CDK14: variants seen among roughly 807,000 people sequenced by gnomAD.
The protein encoded by CDK14 is cyclin dependent kinase 14, also known as cyclin-dependent kinase 14.
Under a neutral mutation model 60.7 loss-of-function variants are expected in CDK14, and 34 were observed. That is an observed-to-expected ratio of 0.56 (90% CI 0.43 to 0.75). CDK14 has a LOEUF of 0.75. CDK14 is among the 30% of genes least tolerant of loss of function. The pLI, the probability that CDK14 is intolerant of heterozygous loss-of-function variation, is 0.00. For missense variants in CDK14, 482 were observed against 564.1 expected, an observed-to-expected ratio of 0.85 and a Z score of 1.47; for synonymous variants, 197 against 203.7, an observed-to-expected ratio of 0.97 and a Z score of 0.28.
At chr7:90,853,827 G>A (rs188839481) in intron 5 of CDK14, among the ~76,000 whole-genome samples, 1 of 152,274 alleles carries the variant, frequency 6.6e-6, no homozygotes, top group Admixed American at 6.5e-5. Context: ...AATCTGCATT[G>A]GTATCAGGCA....
intron 14 of CDK14, among the ~76,000 whole-genome samples, chr7:91,121,002 G>A (rs1799767724): frequency 6.6e-6 from 1 of 152,192 alleles, no homozygotes; most frequent in Admixed American, 6.5e-5. Context: ...TTATTTTAAT[G>A]TCTCACCTTT....
rs770669675 is a variant in CDK14, at chr7:90,917,592, A to G, written c.703-9A>G. The stretch of plus-strand genomic sequence containing the variant: ...TTCTGATTTTAACCTTTGTCTCCTT[A>G]TTTTTCAGTTGTTTTTATTTCAGTT... On this transcript the variant is annotated splice_polypyrimidine_tract_variant and intron_variant, in intron 7 of 14. Coordinates refer to ENST00000380050, the MANE Select transcript of CDK14 (RefSeq NM_001287135.2). The G allele has an allele frequency of 3.1e-6, 5 of 1,610,268 alleles. No individual in the cohort carries two copies. In the East Asian group the frequency reaches 8.9e-5, roughly 29 times the overall value.
chr7:90,655,462 G>A (rs774403265), intron 2 of CDK14, among the ~76,000 whole-genome samples: 1 of 152,032 alleles, frequency 6.6e-6, no homozygotes, highest in Non-Finnish European at 1.5e-5. Context: ...ATTTAAACTA[G>A]TCACAGTTAA....
chr7:90,626,387 A>T (rs900311384), intron 2 of CDK14, among the ~76,000 whole-genome samples: 3 of 152,100 alleles, frequency 2.0e-5, no homozygotes, highest in African/African-American at 7.2e-5. Flanking sequence ...GGGCTCTCTT[A>T]CTCAGCTGTT....
At chr7:90,685,899 C>T (rs993917202) in intron 2 of CDK14, among the ~76,000 whole-genome samples, 1 of 151,898 alleles carries the variant, frequency 6.6e-6, no homozygotes, top group Non-Finnish European at 1.5e-5. Context: ...CTGTATATTT[C>T]TTATTAATAT....
At chr7:90,922,220 A>C (rs189057191) in intron 8 of CDK14, among the ~76,000 whole-genome samples, 3 of 152,326 alleles carry the variant, frequency 2.0e-5, no homozygotes, top group East Asian at 3.9e-4. Context: ...ATTCAATTTT[A>C]CTGTATCTTT....
At chr7:91,062,054 C>T (rs1020524363) in intron 11 of CDK14, among the ~76,000 whole-genome samples, 7 of 152,216 alleles carry the variant, frequency 4.6e-5, no homozygotes, top group Non-Finnish European at 1.0e-4. Context: ...CCACCCAGTT[C>T]GAGCTTCCTG....
intron 2 of CDK14, among the ~76,000 whole-genome samples, chr7:90,606,448 TATC>T (rs1463337362): frequency 4.6e-5 from 7 of 152,220 alleles, no homozygotes; most frequent in Non-Finnish European, 8.8e-5. Context: ...TAATTGGTGT[TATC>T]ATCTTCATTG....
chr7:90,776,697 C>T (rs1805060837), intron 4 of CDK14, among the ~76,000 whole-genome samples: 1 of 152,146 alleles, frequency 6.6e-6, no homozygotes, highest in African/African-American at 2.4e-5. Context: ...TGTCTTAGGA[C>T]ATTTGATAGT....
At chr7:91,137,072 C>T (rs1800301833) in intron 14 of CDK14, among the ~76,000 whole-genome samples, 1 of 151,286 alleles carries the variant, frequency 6.6e-6, no homozygotes, top group South Asian at 2.1e-4. Context: ...GAAGCTAAGA[C>T]ATTGACAATG....
rs903012593 is a variant in CDK14, at chr7:90,860,311, A to G, written c.545-2864A>G. ...AAGACTAAATTCACCACCTAAATTT[A>G]ATAAATAATATTTTGTAAATATATT... On this transcript the variant is annotated intron_variant, in intron 5 of 14. Transcript: ENST00000380050. Among the ~76,000 whole-genome samples, 71 of 152,096 alleles carry G rather than the reference A, an allele frequency of 4.7e-4. 1 individual carries two copies. Among genetic ancestry groups the G allele is most frequent in the African/African-American group, 1.7e-3 (69 of 41,498 alleles).
chr7:90,862,672 A>G lies in CDK14; in HGVS notation c.545-503A>G, dbSNP rs369972207. Among the ~76,000 whole-genome samples the G allele has an allele frequency of 3.9e-5, 6 of 152,288 alleles. No individual in the cohort carries two copies. In the South Asian group the frequency reaches 1.0e-3, roughly 26 times the overall value. ...ACTATTAAATAATAGGATCAAATTG[A>G]CATTTATAGAACTCCCCACCCAACA... On this transcript the variant is annotated intron_variant, in intron 5 of 14. Coordinates refer to ENST00000380050, the MANE Select transcript of CDK14 (RefSeq NM_001287135.2).
intron 4 of CDK14, among the ~76,000 whole-genome samples, chr7:90,764,968 T>C (rs1331949639): frequency 6.6e-6 from 1 of 152,204 alleles, no homozygotes; most frequent in African/African-American, 2.4e-5. Context: ...GTAGAAGTCA[T>C]TCCTAATTGG....
intron 8 of CDK14, among the ~76,000 whole-genome samples, chr7:90,949,065 A>G (rs1319300009): frequency 6.6e-6 from 1 of 152,172 alleles, no homozygotes; most frequent in Non-Finnish European, 1.5e-5. Flanking sequence ...AAAAAAATGT[A>G]ATTCCTATAC....
rs183403569 is a variant in CDK14, at chr7:90,709,726, G to T, written c.124-16841G>T. The T allele has an allele frequency of 1.6e-5, 23 of 1,441,828 alleles. No individual in the cohort carries two copies. The African/African-American group carries it at 3.2e-4, about 20-fold the overall frequency. 89.3% of individuals were successfully genotyped at this position (1,441,828 alleles called of 1,614,324 possible). A position where few individuals can be genotyped will look rare whatever the true frequency, so the allele number is the denominator to read the frequency against. On this transcript the variant is annotated intron_variant, in intron 2 of 14. Coordinates refer to ENST00000380050, the MANE Select transcript of CDK14 (RefSeq NM_001287135.2). Reference sequence around the variant, plus strand: ...CTTTGAGTTCTTCTCAACAGTTTTTGGTCTTATTCCACTGAGATTAGCTTC... The same window carrying T: ...CTTTGAGTTCTTCTCAACAGTTTTTTGTCTTATTCCACTGAGATTAGCTTC...
chr7:90,626,318 T>G (rs1584750272), intron 2 of CDK14, among the ~76,000 whole-genome samples: 1 of 152,258 alleles, frequency 6.6e-6, no homozygotes, highest in South Asian at 2.1e-4. Flanking sequence ...ATTAAATACT[T>G]GATGTTTCTC....
At chr7:91,203,964 G>T (rs935501372) in intron 14 of CDK14, among the ~76,000 whole-genome samples, 4 of 152,152 alleles carry the variant, frequency 2.6e-5, no homozygotes, top group Non-Finnish European at 5.9e-5. Context: ...GTAGGCTGGG[G>T]ACAAAGGAGT....
intron 6 of CDK14, among the ~76,000 whole-genome samples, chr7:90,888,308 C>A (rs2077384240): frequency 6.6e-6 from 1 of 152,092 alleles, no homozygotes; most frequent in South Asian, 2.1e-4. Context: ...TGAGATGGCA[C>A]CACTGCACTC....
At chr7:90,850,068 ACTC>A (rs1264977908) in intron 5 of CDK14, among the ~76,000 whole-genome samples, 1 of 151,938 alleles carries the variant, frequency 6.6e-6, no homozygotes, top group Non-Finnish European at 1.5e-5. Context: ...TGAAAGGAAA[ACTC>A]CTAATGACAT....
Sources: allele counts gnomAD v4.1 joint callset (sites outside exome capture counted in the v4.1 genomes callset), GRCh38; gene constraint gnomAD v4.1.1; transcripts MANE v1.5; gene names NCBI Gene and HGNC (gene_info 2026-07-23, HGNC 2026-07-21).